ADAMTS6: variants seen among roughly 807,000 people sequenced by gnomAD.
The protein encoded by ADAMTS6 is ADAM metallopeptidase with thrombospondin type 1 motif 6.
A neutral mutation model predicts 144.3 loss-of-function variants in ADAMTS6; 23 were observed. The observed-to-expected ratio is 0.16, with a 90% CI of 0.11 to 0.23. The LOEUF (loss-of-function observed/expected upper bound fraction) is 0.23, where lower values mean the gene tolerates loss of function less well. Among genes scored for constraint, ADAMTS6 ranks in the 10% least tolerant of loss-of-function variants. The pLI is 1.00. For missense variants in ADAMTS6, 999 were observed against 1,379.6 expected, an observed-to-expected ratio of 0.72 and a Z score of 4.37; for synonymous variants, 444 against 457.5, an observed-to-expected ratio of 0.97 and a Z score of 0.38.
Position 65,334,032 on chromosome 5 carries a change from AAAAAC to A in ADAMTS6, c.1117+5_1117+9del. ...AAAAAAAAAAAAAAAAAAAACCAAA[AAAAAC>A]TTACCCAGTGTTCCACAGGGCTTAT... On this transcript the variant is annotated splice_donor_5th_base_variant and intron_variant, in intron 8 of 24. Transcript: ENST00000381055. The A allele has an allele frequency of 7.0e-7, 1 of 1,438,030 alleles. No homozygotes were observed. Among genetic ancestry groups the A allele is most frequent in the African/African-American group, 1.5e-5 (1 of 66,848 alleles). The allele number at this position is 1,438,030 out of a possible 1,614,324, so 89.1% of individuals were successfully genotyped here.
At chr5:65,246,349 C>A (rs891609582) in intron 14 of ADAMTS6, among the ~76,000 whole-genome samples, 4 of 152,138 alleles carry the variant, frequency 2.6e-5, no homozygotes, top group Admixed American at 2.6e-4. Context: ...CCTTAAGTAT[C>A]TTCTCATTTT....
chr5:65,250,971 T>C (rs1667197330), intron 14 of ADAMTS6, among the ~76,000 whole-genome samples: 1 of 152,214 alleles, frequency 6.6e-6, no homozygotes, highest in Admixed American at 6.5e-5. Context: ...CTACTTAAAA[T>C]AGTTACAATA....
At chr5:65,166,864 C>G (rs1167846422) in intron 24 of ADAMTS6, among the ~76,000 whole-genome samples, 1 of 114,340 alleles carries the variant, frequency 8.7e-6, no homozygotes, top group Non-Finnish European at 1.9e-5. Context: ...ACCAGAATCT[C>G]TGGGACGCAT....
At chr5:65,233,570 C>A (rs545216795) in intron 15 of ADAMTS6, among the ~76,000 whole-genome samples, 1 of 151,962 alleles carries the variant, frequency 6.6e-6, no homozygotes, top group East Asian at 1.9e-4. Context: ...ATTAAGAAAA[C>A]AATCTTATTT....
At chr5:65,474,827 C>T (rs1328576020) in intron 1 of ADAMTS6, among the ~76,000 whole-genome samples, 1 of 119,130 alleles carries the variant, frequency 8.4e-6, no homozygotes, top group African/African-American at 3.1e-5. Context: ...GGATAAAAAA[C>T]GAAAATGTAG....
chr5:65,338,098 G>C (rs1580432982), intron 7 of ADAMTS6, among the ~76,000 whole-genome samples: 1 of 152,318 alleles, frequency 6.6e-6, no homozygotes, highest in African/African-American at 2.4e-5. Flanking sequence ...AGAATTAAAA[G>C]AAAAGCTGAA....
At chr5:65,233,578 T>C (rs1386361939) in intron 15 of ADAMTS6, among the ~76,000 whole-genome samples, 2 of 152,004 alleles carry the variant, frequency 1.3e-5, no homozygotes, top group African/African-American at 4.8e-5. Flanking sequence ...AACAATCTTA[T>C]TTACAATAGC....
At chr5:65,357,047 G>A (rs896798077) in intron 7 of ADAMTS6, among the ~76,000 whole-genome samples, 1 of 151,786 alleles carries the variant, frequency 6.6e-6, no homozygotes, top group African/African-American at 2.4e-5. Context: ...CAAAGGAGGA[G>A]AGGAGTGTCA....
intron 15 of ADAMTS6, among the ~76,000 whole-genome samples, chr5:65,240,316 C>A (rs7446263): frequency 0.24 from 36,539 of 151,878 alleles, 5,452 homozygotes; most frequent in Admixed American, 0.35. Flanking sequence ...ATCTCAAAAA[C>A]ATTAGGCTTA....
chr5:65,162,037 A>C (rs1025418781), intron 24 of ADAMTS6, among the ~76,000 whole-genome samples: 2 of 152,222 alleles, frequency 1.3e-5, no homozygotes, highest in Non-Finnish European at 2.9e-5. Context: ...AGATGAAATA[A>C]CCATGAGGTG....
At position 65,302,392 on chromosome 5, in the gene ADAMTS6, A is replaced by G. The variant is rs1381251152; in HGVS notation, c.1224-2261T>C. Among the ~76,000 whole-genome samples, 3 of 148,070 alleles carry G rather than the reference A, an allele frequency of 2.0e-5. No individual in the cohort carries two copies. The Admixed American group carries it at 2.1e-4, about 10-fold the overall frequency. On this transcript the variant is annotated intron_variant, in intron 9 of 24. Transcript: ENST00000381055. ...GTAAATATATATTATACATAAATAT[A>G]TATATTTTTCTCCCAGCCCCATATA...
chr5:65,370,459 C>A (rs1451028872), intron 7 of ADAMTS6, among the ~76,000 whole-genome samples: 2 of 152,146 alleles, frequency 1.3e-5, no homozygotes, highest in African/African-American at 2.4e-5. Flanking sequence ...ATTGCCTCAC[C>A]TGGGAAGCGC....
In ADAMTS6 at chr5:65,460,205, C is replaced by T. The variant is rs778280146; in HGVS notation, c.596G>A (p.Arg199Gln). 6.2e-7 allele frequency: 1 copy of T among 1,614,044 alleles called. No individual in the cohort carries two copies. The highest frequency in any genetic ancestry group is 2.2e-5 in the East Asian group (1 of 44,864). Residue 199 changes from arginine (R) to glutamine (Q), a missense_variant, in exon 4 of 25, where the codon CGA (arginine) becomes CAA (glutamine). Physicochemically the swap from Arg to Gln is conservative, Grantham distance 43 (BLOSUM62 1). Around this residue, in one of 3 missense-constraint regions of ADAMTS6, gnomAD observed 252 missense variants for 293.7 expected, o/e 0.86. Coordinates refer to ENST00000381055, the MANE Select transcript of ADAMTS6 (RefSeq NM_197941.4). ...ACAATGAGAGTGATCATACAGATGT[C>T]GTTGTTGAAGGGCAGACTTTTTGTA... Reference protein sequence around the residue: ...VIYKKSALQQRHLYDHSHCGV... With the variant: ...VIYKKSALQQQHLYDHSHCGV...
At chr5:65,291,833 A>G (rs1454440245) in intron 10 of ADAMTS6, among the ~76,000 whole-genome samples, 1 of 152,134 alleles carries the variant, frequency 6.6e-6, no homozygotes, top group Non-Finnish European at 1.5e-5. Flanking sequence ...TAAAAACATG[A>G]AATGCAGAAA....
intron 21 of ADAMTS6, among the ~76,000 whole-genome samples, chr5:65,190,251 A>G (rs532102967): frequency 6.6e-6 from 1 of 152,230 alleles, no homozygotes; most frequent in East Asian, 1.9e-4. Context: ...TTTTGAATTT[A>G]AAAAATCTGA....
At chr5:65,253,264 A>G (rs905412060) in intron 14 of ADAMTS6, among the ~76,000 whole-genome samples, 1 of 152,216 alleles carries the variant, frequency 6.6e-6, no homozygotes, top group Non-Finnish European at 1.5e-5. Context: ...TCAAAGATTC[A>G]TGGCAATAAA....
At chr5:65,463,137 A>G (rs1759750482) in intron 3 of ADAMTS6, among the ~76,000 whole-genome samples, 3 of 152,160 alleles carry the variant, frequency 2.0e-5, no homozygotes, top group Non-Finnish European at 4.4e-5. Context: ...GTACTGATAA[A>G]CATTAAGAGG....
chr5:65,177,514 A>T (rs375889526), intron 22 of ADAMTS6, among the ~76,000 whole-genome samples: 2 of 152,176 alleles, frequency 1.3e-5, no homozygotes, highest in Non-Finnish European at 2.9e-5. Context: ...GGAAATTTTG[A>T]TAAAGACCCT....
chr5:65,194,233 A>G (rs1298722504), intron 21 of ADAMTS6, among the ~76,000 whole-genome samples: 1 of 152,210 alleles, frequency 6.6e-6, no homozygotes, highest in African/African-American at 2.4e-5. Flanking sequence ...ACTTTACATG[A>G]TAAGAAAGCA....
Sources: gnomAD v4.1 joint callset for allele counts (sites outside exome capture counted in the v4.1 genomes callset) on GRCh38, gnomAD v4.1.1 for gene constraint, gnomAD v4.1.1 regional missense constraint, MANE v1.5 for transcripts, NCBI Gene and HGNC (gene_info 2026-07-23, HGNC 2026-07-21) for gene names.